The following ANKRD31 variants were observed in gnomAD, a reference collection of about 807,000 sequenced individuals.
ANKRD31 encodes ankyrin repeat domain-containing protein 31.
Under a neutral mutation model 186.0 loss-of-function variants are expected in ANKRD31, and 147 were observed. The observed-to-expected ratio is 0.79, with a 90% confidence interval of 0.69 to 0.91. ANKRD31 has a LOEUF of 0.91. ANKRD31 is among the 40% of genes least tolerant of loss of function. The pLI, the probability that ANKRD31 is intolerant of heterozygous loss-of-function variation, is 0.00. For missense variants in ANKRD31, 1,986 were observed against 2,148.8 expected (o/e 0.92, Z 1.50); for synonymous variants, 673 against 736.4 (o/e 0.91, Z 1.39).
chr5:75,124,438 C>T (rs537624756), intron 17 of ANKRD31, among the ~76,000 whole-genome samples: 6 of 152,222 alleles, frequency 3.9e-5, no homozygotes, highest in African/African-American at 1.4e-4. Context: ...TGGGTATATA[C>T]CCACAGGAAA....
intron 17 of ANKRD31, among the ~76,000 whole-genome samples, chr5:75,135,420 C>T (rs1163384329): frequency 6.6e-6 from 1 of 152,156 alleles, no homozygotes; most frequent in Non-Finnish European, 1.5e-5. Flanking sequence ...TTCACAATTG[C>T]TTCCAAGAGA....
intron 10 of ANKRD31, among the ~76,000 whole-genome samples, chr5:75,184,843 C>T (rs1754589526): frequency 6.6e-6 from 1 of 152,076 alleles, no homozygotes; most frequent in Non-Finnish European, 1.5e-5. Context: ...CCATAACCAG[C>T]AATCCTACTA....
chr5:75,194,098 T>G lies in ANKRD31; in HGVS notation c.1018-507A>C, dbSNP rs1369954907. Among the ~76,000 whole-genome samples, 14 of 152,314 alleles carry G rather than the reference T, an allele frequency of 9.2e-5. No individual in the cohort carries two copies. The East Asian group carries it at 2.7e-3, about 29-fold the overall frequency. On this transcript the variant is annotated intron_variant, in intron 7 of 25. Coordinates refer to ENST00000506364, the MANE Select transcript of ANKRD31 (RefSeq NM_001372053.1). Reference sequence around the variant, plus strand: ...TGTTCTTTCCCTTAATAATTCATTATAGATTTAACTTCCATGAACATATGT... The same window carrying G: ...TGTTCTTTCCCTTAATAATTCATTAGAGATTTAACTTCCATGAACATATGT...
chr5:75,167,664 C>G (rs1372984248), intron 11 of ANKRD31, among the ~76,000 whole-genome samples: 1 of 152,076 alleles, frequency 6.6e-6, no homozygotes, highest in South Asian at 2.1e-4. Flanking sequence ...CCTTTAACAT[C>G]ATTGAAGGAA....
At chr5:75,172,477 T>G (rs1020574208) in intron 10 of ANKRD31, among the ~76,000 whole-genome samples, 8 of 151,288 alleles carry the variant, frequency 5.3e-5, no homozygotes, top group Non-Finnish European at 2.9e-5. Context: ...TCAACAAAAT[T>G]GATACACCTC....
chr5:75,119,994 G>A (rs1748624079), intron 17 of ANKRD31, among the ~76,000 whole-genome samples: 1 of 152,020 alleles, frequency 6.6e-6, no homozygotes, highest in Non-Finnish European at 1.5e-5. Flanking sequence ...ATATTTTGGG[G>A]AGAAAAAAAT....
rs948153376 is a variant in ANKRD31, at chr5:75,169,032, C to T, written c.1654G>A (p.Gly552Arg). 2.6e-6 allele frequency: 4 copies of T among 1,536,480 alleles called. No individual in the cohort carries two copies. In the African/African-American group the frequency reaches 4.1e-5, roughly 16 times the overall value. Residue 552 changes from glycine (G) to arginine (R), a missense_variant, in exon 11 of 26, where the codon GGA becomes AGA. Gly to Arg is a moderately radical substitution (Grantham distance 125). Coordinates refer to ENST00000506364, the MANE Select transcript of ANKRD31 (RefSeq NM_001372053.1). Reference protein sequence around the residue: ...LKGGADVNIKGLYQITPLHDA... With the variant: ...LKGGADVNIKRLYQITPLHDA... ...TGTAGGGGAGTAATCTGGTATAATC[C>T]TTTGATATTTACATCTGCTCCACCT... is the stretch of plus-strand genomic sequence containing the variant.
chr5:75,118,111 T>C, intron 18 of ANKRD31, 24 bp downstream of exon 18: 1 of 1,359,602 alleles, frequency 7.4e-7, no homozygotes, highest in Admixed American at 3.5e-5. Context: ...CTATATAAAA[T>C]AGCAGCAATA....
chr5:75,209,914 C>T (rs1244539612), intron 4 of ANKRD31, among the ~76,000 whole-genome samples: 1 of 152,144 alleles, frequency 6.6e-6, no homozygotes, highest in Non-Finnish European at 1.5e-5. Context: ...TTCTTTGGTG[C>T]CACTGCCTTG....
chr5:75,114,811 T>C (rs1251352043), intron 19 of ANKRD31, among the ~76,000 whole-genome samples: 1 of 152,144 alleles, frequency 6.6e-6, no homozygotes, highest in Admixed American at 6.6e-5. Context: ...AGAATCAATA[T>C]TGTGAAAATG....
At chr5:75,178,032 G>C (rs903496527) in intron 10 of ANKRD31, among the ~76,000 whole-genome samples, 1 of 152,128 alleles carries the variant, frequency 6.6e-6, no homozygotes, top group Non-Finnish European at 1.5e-5. Context: ...TAAAGGGATG[G>C]AGGAAGATCT....
At chr5:75,204,773 C>T (rs996833686) in intron 5 of ANKRD31, among the ~76,000 whole-genome samples, 18 of 151,556 alleles carry the variant, frequency 1.2e-4, no homozygotes, top group African/African-American at 3.9e-4. Context: ...TCCAGGACTC[C>T]TTGACTCTTT....
intron 5 of ANKRD31, among the ~76,000 whole-genome samples, chr5:75,200,308 TTTTC>T (rs1755738398): frequency 6.6e-6 from 1 of 151,404 alleles, no homozygotes; most frequent in Non-Finnish European, 1.5e-5. Flanking sequence ...TTTTTTTTTT[TTTTC>T]TTTTGAGATG....
chr5:75,108,639 GTT>G (rs1747525393), intron 20 of ANKRD31, among the ~76,000 whole-genome samples: 1 of 152,080 alleles, frequency 6.6e-6, no homozygotes, highest in African/African-American at 2.4e-5. Context: ...GGTAGAATTT[GTT>G]TTAGAAATTC....
At chr5:75,071,173 C>A (rs1363286083) in intron 25 of ANKRD31, among the ~76,000 whole-genome samples, 1 of 151,630 alleles carries the variant, frequency 6.6e-6, no homozygotes, top group Non-Finnish European at 1.5e-5. Context: ...TTTAATTCAG[C>A]CACTGCTTTA....
chr5:75,177,913 G>C (rs1002037130), intron 10 of ANKRD31, among the ~76,000 whole-genome samples: 1 of 152,136 alleles, frequency 6.6e-6, no homozygotes, highest in Non-Finnish European at 1.5e-5. Flanking sequence ...TGGGCTAAAT[G>C]CTCCAATTAA....
intron 11 of ANKRD31, among the ~76,000 whole-genome samples, chr5:75,167,537 T>C (rs1256357240): frequency 6.6e-6 from 1 of 152,182 alleles, no homozygotes. Flanking sequence ...TCACCACTAG[T>C]CAGGATATGC....
At chr5:75,223,410 T>C (rs1032864485) in intron 2 of ANKRD31, among the ~76,000 whole-genome samples, 5 of 152,162 alleles carry the variant, frequency 3.3e-5, no homozygotes, top group Non-Finnish European at 5.9e-5. Flanking sequence ...AAAAATTCCT[T>C]TTTAAATTCA....
At chr5:75,104,078 TA>T in intron 22 of ANKRD31, 149 bp downstream of exon 22, 1 of 566,544 alleles carries the variant, frequency 1.8e-6, no homozygotes, top group Non-Finnish European at 2.8e-6. Flanking sequence ...ATTCACTTGC[TA>T]AGAATACAAT....
Sources: allele counts gnomAD v4.1 joint callset (sites outside exome capture counted in the v4.1 genomes callset), GRCh38; gene constraint gnomAD v4.1.1; transcripts MANE v1.5; gene names NCBI Gene and HGNC (gene_info 2026-07-23, HGNC 2026-07-21).